TENM2: variants seen among roughly 807,000 people sequenced by gnomAD.
TENM2 encodes teneurin transmembrane protein 2, also known as teneurin-2.
In TENM2, 52 loss-of-function variants were observed where a neutral mutation model predicts 245.2. That is an observed-to-expected ratio of 0.21 (90% confidence interval 0.17 to 0.27). The LOEUF (loss-of-function observed/expected upper bound fraction) is 0.27. Ranked by LOEUF, TENM2 falls within the 10% of genes least tolerant of loss-of-function variation. The probability of loss-of-function intolerance (pLI) is 1.00; values close to 1 mark genes in which losing one functional copy is unlikely to be tolerated. For missense variants in TENM2, 3,046 were observed against 3,666.8 expected (o/e 0.83, Z 4.37); for synonymous variants, 1,363 against 1,438.9 (o/e 0.95, Z 1.19).
At chr5:167,666,058 C>G (rs1001522565) in intron 2 of TENM2, among the ~76,000 whole-genome samples, 1 of 152,166 alleles carries the variant, frequency 6.6e-6, no homozygotes, top group Non-Finnish European at 1.5e-5. Flanking sequence ...CAGGCGATTC[C>G]CGTCAGCAAA....
chr5:168,201,022 T>C (rs553624834), intron 17 of TENM2, among the ~76,000 whole-genome samples: 1 of 152,260 alleles, frequency 6.6e-6, no homozygotes, highest in Admixed American at 6.5e-5. Flanking sequence ...AGAATTGTGT[T>C]AAATCTTTTG....
At chr5:167,594,956 A>G (rs1354958298) in intron 2 of TENM2, among the ~76,000 whole-genome samples, 1 of 152,172 alleles carries the variant, frequency 6.6e-6, no homozygotes, top group African/African-American at 2.4e-5. Flanking sequence ...CCCCAGCTCA[A>G]ATGAAAATAG....
intron 2 of TENM2, among the ~76,000 whole-genome samples, chr5:167,432,471 A>C (rs1764307345): frequency 6.6e-6 from 1 of 151,910 alleles, no homozygotes; most frequent in African/African-American, 2.4e-5. Context: ...ATTAGTGCCC[A>C]ATTTGTTTCT....
chr5:168,188,208 T>A (rs909001332), intron 13 of TENM2, among the ~76,000 whole-genome samples: 1 of 152,218 alleles, frequency 6.6e-6, no homozygotes, highest in Non-Finnish European at 1.5e-5. Context: ...GCCAAAAAAT[T>A]ACACTGTAGT....
At chr5:167,940,756 A>G (rs950954973) in intron 3 of TENM2, among the ~76,000 whole-genome samples, 1 of 152,198 alleles carries the variant, frequency 6.6e-6, no homozygotes, top group Non-Finnish European at 1.5e-5. Flanking sequence ...GGCAATTCCT[A>G]CACACCACAC....
intron 2 of TENM2, among the ~76,000 whole-genome samples, chr5:167,505,527 T>A (rs980935351): frequency 1.3e-5 from 2 of 151,744 alleles, no homozygotes; most frequent in Non-Finnish European, 2.9e-5. Context: ...ATATGAAAGC[T>A]AATGGAAATA....
chr5:168,219,006 G>T lies in TENM2; in HGVS notation c.5108+7G>T, dbSNP rs1166065184. 1.9e-6 allele frequency: 3 copies of T among 1,608,924 alleles called. No individual in the cohort carries two copies. Among genetic ancestry groups the T allele is most frequent in the Non-Finnish European group, 2.5e-6 (3 of 1,176,708 alleles). On this transcript the variant is annotated splice_region_variant and intron_variant, in intron 23 of 28. Transcript: ENST00000518659. ...GATGGACGACTTTCTATGAGTAAGTGGGTTTGTAAAGCATCTCTGAAGAGC... is the reference window on the plus strand; with the variant it reads ...GATGGACGACTTTCTATGAGTAAGTTGGTTTGTAAAGCATCTCTGAAGAGC...
chr5:167,204,638 G>A, the TENM2 span, among the ~76,000 whole-genome samples: 1 of 152,208 alleles, frequency 6.6e-6, no homozygotes, highest in African/African-American at 2.4e-5. Flanking sequence ...GATGCCAGGG[G>A]CAGGGAAATC....
chr5:167,808,326 C>G (rs1221950140), intron 2 of TENM2, among the ~76,000 whole-genome samples: 1 of 152,174 alleles, frequency 6.6e-6, no homozygotes, highest in African/African-American at 2.4e-5. Context: ...GTGGCACAGT[C>G]TTGGCCCACT....
At chr5:167,083,080 T>C in the TENM2 span, among the ~76,000 whole-genome samples, 1 of 151,872 alleles carries the variant, frequency 6.6e-6, no homozygotes, top group Non-Finnish European at 1.5e-5. Flanking sequence ...TTTACATAAA[T>C]AATTTGTGGG....
At chr5:167,950,407 A>G (rs529025547) in intron 3 of TENM2, among the ~76,000 whole-genome samples, 1 of 152,094 alleles carries the variant, frequency 6.6e-6, no homozygotes. Flanking sequence ...AGGGAATTAA[A>G]TCCTTTATAT....
At chr5:167,254,991 G>C in the TENM2 span, among the ~76,000 whole-genome samples, 7 of 151,938 alleles carry the variant, frequency 4.6e-5, no homozygotes, top group African/African-American at 1.5e-4. Flanking sequence ...CTTATAGGCC[G>C]TGGGAATGAA....
chr5:167,919,569 G>A (rs1583367054), intron 3 of TENM2, among the ~76,000 whole-genome samples: 1 of 152,154 alleles, frequency 6.6e-6, no homozygotes, highest in Non-Finnish European at 1.5e-5. Flanking sequence ...AGGTTTCCTT[G>A]GGTTCCCAGA....
the TENM2 span, among the ~76,000 whole-genome samples, chr5:166,980,171 G>A: frequency 1.3e-5 from 2 of 152,136 alleles, no homozygotes; most frequent in Admixed American, 1.3e-4. Context: ...GTGCTTTAGT[G>A]CATCACATAC....
chr5:167,706,406 T>A (rs183581611), intron 2 of TENM2, among the ~76,000 whole-genome samples: 1,810 of 149,088 alleles, frequency 0.012, 46 homozygotes, highest in African/African-American at 0.042. Context: ...TATATATATA[T>A]AAGAAAATGT....
intron 2 of TENM2, among the ~76,000 whole-genome samples, chr5:167,470,318 G>A (rs974319297): frequency 2.6e-5 from 4 of 151,798 alleles, no homozygotes; most frequent in African/African-American, 9.7e-5. Flanking sequence ...TGTGACTCCA[G>A]TTCAATTATA....
chr5:167,662,509 TC>T (rs1176728348), intron 2 of TENM2, among the ~76,000 whole-genome samples: 1 of 152,176 alleles, frequency 6.6e-6, no homozygotes, highest in African/African-American at 2.4e-5. Flanking sequence ...TTGATCTACA[TC>T]CACCAAGGCA....
intron 2 of TENM2, among the ~76,000 whole-genome samples, chr5:167,613,599 C>A (rs1297879127): frequency 1.3e-5 from 2 of 152,156 alleles, no homozygotes; most frequent in East Asian, 3.9e-4. Context: ...ACACTAGGAA[C>A]CAGCCCAGTG....
intron 5 of TENM2, among the ~76,000 whole-genome samples, chr5:167,998,199 G>A (rs1410989923): frequency 2.0e-5 from 3 of 152,144 alleles, no homozygotes; most frequent in Non-Finnish European, 4.4e-5. Context: ...GTACTCATTT[G>A]TCCTCAATCT....
Sources: gnomAD v4.1 joint callset for allele counts (sites outside exome capture counted in the v4.1 genomes callset) on GRCh38, gnomAD v4.1.1 for gene constraint, MANE v1.5 for transcripts, NCBI Gene and HGNC (gene_info 2026-07-23, HGNC 2026-07-21) for gene names.